The following LGR5 variants were observed in gnomAD, a reference collection of about 807,000 sequenced individuals.
The protein encoded by LGR5 is leucine rich repeat containing G protein-coupled receptor 5.
A neutral mutation model predicts 76.7 loss-of-function variants in LGR5; 54 were observed. The observed-to-expected ratio is 0.70, with a 90% CI of 0.57 to 0.88. The LOEUF (loss-of-function observed/expected upper bound fraction) is 0.88, where lower values mean the gene tolerates loss of function less well. Ranked by LOEUF, LGR5 falls within the 40% of genes least tolerant of loss-of-function variation. The pLI, the probability that LGR5 is intolerant of heterozygous loss-of-function variation, is 0.00. For missense variants in LGR5, 1,078 were observed against 1,073.3 expected (o/e 1.00, Z -0.06); for synonymous variants, 406 against 421.9 (o/e 0.96, Z 0.46).
In LGR5 at chr12:71,584,509, C is replaced by A; in HGVS notation, c.2499C>A (p.Ser833Arg). Reference sequence around the variant, plus strand: ...CTCACTTTAAGGAGGATCTGGTGAGCCTGAGAAAGCAAACCTACGTCTGGA... The same window carrying A: ...CTCACTTTAAGGAGGATCTGGTGAGACTGAGAAAGCAAACCTACGTCTGGA... ...FNPHFKEDLV[S>R]LRKQTYVWTR... Residue 833 changes from serine to arginine, a missense_variant, in exon 18 of 18, where the codon AGC becomes AGA. Ser to Arg is a moderately radical substitution (Grantham distance 110). Transcript: ENST00000266674. The A allele has an allele frequency of 6.2e-7, 1 of 1,614,174 alleles. No individual in the cohort carries two copies. Among genetic ancestry groups the A allele is most frequent in the Non-Finnish European group, 8.5e-7 (1 of 1,180,030 alleles).
chr12:71,475,590 C>T (rs1258827459), intron 1 of LGR5, among the ~76,000 whole-genome samples: 1 of 152,200 alleles, frequency 6.6e-6, no homozygotes, highest in African/African-American at 2.4e-5. Context: ...TCTTATGCTG[C>T]GACGCTCTTG....
chr12:71,556,529 A>G, intron 5 of LGR5, 90 bp from the exon 6 acceptor site: 3 of 860,568 alleles, frequency 3.5e-6, no homozygotes, highest in Non-Finnish European at 5.9e-6. Context: ...TGCATTCTTC[A>G]GTATATGTTT....
chr12:71,544,494 G>T, intron 4 of LGR5, among the ~76,000 whole-genome samples: 1 of 147,252 alleles, frequency 6.8e-6, no homozygotes. Context: ...ATATCTCCCT[G>T]GATATTAATT....
chr12:71,556,349 C>T (rs1358417479), intron 5 of LGR5, among the ~76,000 whole-genome samples: 1 of 151,898 alleles, frequency 6.6e-6, no homozygotes, highest in Non-Finnish European at 1.5e-5. Flanking sequence ...CCTTGAAACC[C>T]AAAGTTACTT....
intron 1 of LGR5, among the ~76,000 whole-genome samples, chr12:71,472,173 G>T (rs1216414254): frequency 6.6e-6 from 1 of 152,026 alleles, no homozygotes; most frequent in Non-Finnish European, 1.5e-5. Context: ...ATAGTGATGT[G>T]CCTGCAGCAT....
intron 3 of LGR5, among the ~76,000 whole-genome samples, chr12:71,534,051 T>C (rs1266944887): frequency 3.3e-5 from 5 of 152,234 alleles, no homozygotes; most frequent in African/African-American, 1.2e-4. Context: ...ACCAGGCAGA[T>C]TGTTTCTGAA....
At chr12:71,516,836 G>A (rs1372184259) in intron 2 of LGR5, among the ~76,000 whole-genome samples, 1 of 151,896 alleles carries the variant, frequency 6.6e-6, no homozygotes, top group East Asian at 1.9e-4. Flanking sequence ...AACTAACAAT[G>A]GTGGGACAAT....
chr12:71,470,686 C>T (rs1008749739), intron 1 of LGR5, among the ~76,000 whole-genome samples: 2 of 152,188 alleles, frequency 1.3e-5, no homozygotes, highest in African/African-American at 4.8e-5. Flanking sequence ...GCCTATAAAT[C>T]TTGCTATAAT....
At chr12:71,542,201 T>A (rs1353599557) in intron 4 of LGR5, among the ~76,000 whole-genome samples, 2 of 152,206 alleles carry the variant, frequency 1.3e-5, no homozygotes, top group Non-Finnish European at 2.9e-5. Flanking sequence ...AAAGGCATCC[T>A]ACTGCTAATG....
intron 2 of LGR5, among the ~76,000 whole-genome samples, chr12:71,509,829 AG>A (rs1214244844): frequency 6.6e-6 from 1 of 152,176 alleles, no homozygotes; most frequent in Non-Finnish European, 1.5e-5. Context: ...GAGAAGCTCT[AG>A]GGGGGTCTGT....
At chr12:71,538,782 C>T (rs1876730589) in intron 4 of LGR5, among the ~76,000 whole-genome samples, 1 of 151,882 alleles carries the variant, frequency 6.6e-6, no homozygotes, top group Non-Finnish European at 1.5e-5. Context: ...CATTTGAGCC[C>T]AGGAGTTTGA....
chr12:71,514,844 G>C (rs757032158), intron 2 of LGR5, among the ~76,000 whole-genome samples: 19 of 152,182 alleles, frequency 1.2e-4, no homozygotes, highest in Non-Finnish European at 2.5e-4. Flanking sequence ...TGAGGCATTG[G>C]CTAGAACAAT....
rs140477272 is a variant in LGR5, at chr12:71,446,169, G to A, written c.212+5877G>A. On this transcript the variant is annotated intron_variant, in intron 1 of 17. Coordinates refer to ENST00000266674, the MANE Select transcript of LGR5 (RefSeq NM_003667.4). ...TGAACCAGCTGCTGAAATCCCAGTG[G>A]CTAATAGGAGTCAGAGAAAGACAGG... Among the ~76,000 whole-genome samples the A allele has an allele frequency of 2.4e-3, 370 of 152,290 alleles. 1 individual carries two copies. Among genetic ancestry groups the A allele is most frequent in the African/African-American group, 8.4e-3 (348 of 41,570 alleles).
At chr12:71,456,001 T>C (rs971163178) in intron 1 of LGR5, among the ~76,000 whole-genome samples, 8 of 152,088 alleles carry the variant, frequency 5.3e-5, no homozygotes, top group African/African-American at 1.9e-4. Flanking sequence ...AGCATAAAAA[T>C]TTATGGTTAG....
intron 13 of LGR5, among the ~76,000 whole-genome samples, chr12:71,573,452 C>T (rs1001687271): frequency 2.0e-5 from 3 of 152,148 alleles, no homozygotes; most frequent in Non-Finnish European, 4.4e-5. Context: ...TCTAGAATCA[C>T]TTCTGTTGCT....
At chr12:71,456,222 A>C (rs1872468568) in intron 1 of LGR5, among the ~76,000 whole-genome samples, 2 of 152,196 alleles carry the variant, frequency 1.3e-5, no homozygotes. Flanking sequence ...GAGAAAAGGA[A>C]AAAATACAAT....
intron 13 of LGR5, among the ~76,000 whole-genome samples, chr12:71,575,989 C>T (rs1184425110): frequency 1.3e-5 from 2 of 152,072 alleles, no homozygotes; most frequent in Non-Finnish European, 2.9e-5. Context: ...AACACAGGAA[C>T]AGAAAACCAA....
At chr12:71,559,510 T>C in intron 6 of LGR5, 76 bp from the exon 7 acceptor site, 5 of 810,350 alleles carry the variant, frequency 6.2e-6, no homozygotes, top group South Asian at 1.5e-5. Context: ...TGGAATAGCA[T>C]GTTAACTTTC....
chr12:71,502,954 A>T, intron 1 of LGR5, among the ~76,000 whole-genome samples: 1 of 152,148 alleles, frequency 6.6e-6, no homozygotes, highest in South Asian at 2.1e-4. Flanking sequence ...ATGAGAGAAA[A>T]TCTATGCTCT....
Sources: allele counts gnomAD v4.1 joint callset (sites outside exome capture counted in the v4.1 genomes callset), GRCh38; gene constraint gnomAD v4.1.1; transcripts MANE v1.5; gene names NCBI Gene and HGNC (gene_info 2026-07-23, HGNC 2026-07-21).